The following ADAM23 variants were observed in gnomAD, a reference collection of about 807,000 sequenced individuals.
The protein encoded by ADAM23 is ADAM metallopeptidase domain 23, also known as disintegrin and metalloproteinase domain-containing protein 23.
Under a neutral mutation model 120.1 loss-of-function variants are expected in ADAM23, and 33 were observed. The observed-to-expected ratio is 0.27, with a 90% CI of 0.21 to 0.37. The LOEUF (loss-of-function observed/expected upper bound fraction) is 0.37, where lower values mean the gene tolerates loss of function less well. ADAM23 is among the 10% of genes least tolerant of loss of function. ADAM23 has a pLI of 1.00. For synonymous variants in ADAM23, 367 were observed against 375.2 expected, an observed-to-expected ratio of 0.98 and a Z score of 0.25; for missense variants, 862 against 1,058.2, an observed-to-expected ratio of 0.81 and a Z score of 2.57.
chr2:206,456,306 C>A (rs926838477), intron 2 of ADAM23, among the ~76,000 whole-genome samples: 1 of 152,018 alleles, frequency 6.6e-6, no homozygotes, highest in South Asian at 2.1e-4. Flanking sequence ...AGAACTCACT[C>A]ACTCTCATGA....
intron 2 of ADAM23, among the ~76,000 whole-genome samples, chr2:206,465,772 A>G (rs1488948331): frequency 6.6e-6 from 1 of 152,202 alleles, no homozygotes; most frequent in Non-Finnish European, 1.5e-5. Context: ...AAATTCAAGA[A>G]AAGTCTTCTT....
chr2:206,550,191 C>T (rs375314593), intron 9 of ADAM23, 31 bp downstream of exon 9: 155 of 1,339,624 alleles, frequency 1.2e-4, no homozygotes, highest in Non-Finnish European at 1.2e-4. Context: ...GGTTTTAGAA[C>T]AGATAGCTTA....
At chr2:206,585,175 G>C (rs1698298829) in intron 18 of ADAM23, among the ~76,000 whole-genome samples, 1 of 152,148 alleles carries the variant, frequency 6.6e-6, no homozygotes. Flanking sequence ...AATTCACAGT[G>C]CAGGCCTCCG....
At chr2:206,495,177 A>C (rs1696214312) in intron 3 of ADAM23, among the ~76,000 whole-genome samples, 2 of 152,194 alleles carry the variant, frequency 1.3e-5, no homozygotes, top group Admixed American at 6.5e-5. Flanking sequence ...CGAGAAGAGC[A>C]ACTCCAAGAC....
intron 3 of ADAM23, among the ~76,000 whole-genome samples, chr2:206,485,160 A>G (rs1282138026): frequency 1.3e-5 from 2 of 152,172 alleles, no homozygotes; most frequent in African/African-American, 4.8e-5. Flanking sequence ...GGCTGGCATG[A>G]TGAACTGGAA....
intron 4 of ADAM23, among the ~76,000 whole-genome samples, chr2:206,540,987 T>A (rs1221211393): frequency 6.7e-6 from 1 of 148,238 alleles, no homozygotes; most frequent in East Asian, 1.9e-4. Flanking sequence ...TAATAAAAAT[T>A]TATTATTATT....
chr2:206,557,089 G>T (rs548203929), intron 9 of ADAM23, among the ~76,000 whole-genome samples: 18 of 149,218 alleles, frequency 1.2e-4, no homozygotes, highest in African/African-American at 4.2e-4. Flanking sequence ...AGGTTTTTTT[G>T]TTTTTTTTTG....
At chr2:206,593,597 C>A (rs1698466211) in intron 22 of ADAM23, among the ~76,000 whole-genome samples, 1 of 151,928 alleles carries the variant, frequency 6.6e-6, no homozygotes. Flanking sequence ...GAAGACAATT[C>A]TAACAGGGTC....
At position 206,577,085 on chromosome 2, in the gene ADAM23, A is replaced by G. The variant is rs1574544425; in HGVS notation, c.1737+3890A>G. On this transcript the variant is annotated intron_variant, in intron 18 of 25. Coordinates refer to ENST00000264377, the MANE Select transcript of ADAM23 (RefSeq NM_003812.4). ...CTCATAAGCAGAATAAAGTGCACAG[A>G]TTTATGGTTTTCCTGTTTTAAATGT... Among the ~76,000 whole-genome samples the G allele has an allele frequency of 2.0e-5, 3 of 152,246 alleles. No individual in the cohort carries two copies. The South Asian group carries it at 6.2e-4, about 32-fold the overall frequency.
At chr2:206,517,810 T>C (rs1014921627) in intron 3 of ADAM23, among the ~76,000 whole-genome samples, 7 of 152,202 alleles carry the variant, frequency 4.6e-5, no homozygotes, top group Non-Finnish European at 8.8e-5. Context: ...CTGATACTGA[T>C]AGTAAATTCG....
intron 10 of ADAM23, among the ~76,000 whole-genome samples, chr2:206,559,552 A>C (rs916700622): frequency 1.3e-5 from 2 of 152,172 alleles, no homozygotes; most frequent in Admixed American, 1.3e-4. Context: ...GATTCATTCC[A>C]ATCCAGCAGG....
intron 2 of ADAM23, among the ~76,000 whole-genome samples, chr2:206,458,810 T>A (rs919685675): frequency 5.3e-5 from 8 of 152,118 alleles, no homozygotes; most frequent in Admixed American, 5.2e-4. Context: ...AAACCAAACC[T>A]AAGAAATACT....
intron 16 of ADAM23, 38 bp downstream of exon 16, chr2:206,570,849 C>G: frequency 6.4e-7 from 1 of 1,565,986 alleles, no homozygotes; most frequent in Non-Finnish European, 8.8e-7. Flanking sequence ...CAGCACAGAT[C>G]TTACTTGGTG....
chr2:206,445,779 A>C (rs1189462104), intron 2 of ADAM23, among the ~76,000 whole-genome samples: 1 of 152,236 alleles, frequency 6.6e-6, no homozygotes, highest in Non-Finnish European at 1.5e-5. Flanking sequence ...TTTCAGGTAC[A>C]TTGGGCACTG....
chr2:206,532,348 C>T (rs1697081839), intron 4 of ADAM23, among the ~76,000 whole-genome samples: 1 of 148,988 alleles, frequency 6.7e-6, no homozygotes, highest in Admixed American at 6.7e-5. Flanking sequence ...TTTAAAGAAA[C>T]AGAATAGCTA....
At chr2:206,542,620 C>T (rs1697315040) in intron 5 of ADAM23, among the ~76,000 whole-genome samples, 2 of 152,118 alleles carry the variant, frequency 1.3e-5, no homozygotes, top group Admixed American at 1.3e-4. Flanking sequence ...CCTTTTAGAC[C>T]TGGACACAGT....
chr2:206,520,164 A>G (rs1696814203), intron 3 of ADAM23, among the ~76,000 whole-genome samples: 1 of 152,208 alleles, frequency 6.6e-6, no homozygotes, highest in African/African-American at 2.4e-5. Flanking sequence ...TTTACTTTAC[A>G]GGGTTGTGCA....
At chr2:206,596,776 C>G (rs1211996227) in intron 24 of ADAM23, among the ~76,000 whole-genome samples, 1 of 152,120 alleles carries the variant, frequency 6.6e-6, no homozygotes, top group African/African-American at 2.4e-5. Flanking sequence ...TGAGAAGGCC[C>G]AGACCCTGAG....
In ADAM23 at chr2:206,596,171, G is replaced by T. The variant is rs1698522024; in HGVS notation, c.2359+9G>T. On this transcript the variant is annotated intron_variant, in intron 24 of 25. Transcript: ENST00000264377. ...GGATGAAGGACCCAAGGGTTTGTGT[G>T]ATTTTGGTTTCAATTCATGGAATAC... 1 of 1,609,608 alleles carries T rather than the reference G, an allele frequency of 6.2e-7. No individual in the cohort carries two copies. Among genetic ancestry groups the T allele is most frequent in the African/African-American group, 1.3e-5 (1 of 74,836 alleles).
Sources: allele counts gnomAD v4.1 joint callset (sites outside exome capture counted in the v4.1 genomes callset), GRCh38; gene constraint gnomAD v4.1.1; transcripts MANE v1.5; gene names NCBI Gene and HGNC (gene_info 2026-07-23, HGNC 2026-07-21).